Variants in EFCAB11 observed in about 807,000 individuals in gnomAD.
The protein encoded by EFCAB11 is EF-hand calcium-binding domain-containing protein 11.
A neutral mutation model predicts 23.0 loss-of-function variants in EFCAB11; 14 were observed. The observed-to-expected ratio is 0.61, with a 90% confidence interval of 0.40 to 0.95. The LOEUF is 0.95. EFCAB11 is among the 40% of genes least tolerant of loss of function. EFCAB11 has a pLI of 0.00. For missense variants in EFCAB11, 198 were observed against 195.8 expected, an observed-to-expected ratio of 1.01 and a Z score of -0.07; for synonymous variants, 65 against 66.6, an observed-to-expected ratio of 0.98 and a Z score of 0.11.
chr14:89,857,595 T>TA (rs1378946865), intron 5 of EFCAB11, among the ~76,000 whole-genome samples: 1 of 152,148 alleles, frequency 6.6e-6, no homozygotes, highest in Non-Finnish European at 1.5e-5. Context: ...AGCTCCTGAG[T>TA]AACTGTAAGA....
chr14:89,936,711 C>T (rs1890596465), intron 3 of EFCAB11, among the ~76,000 whole-genome samples: 1 of 152,168 alleles, frequency 6.6e-6, no homozygotes, highest in Non-Finnish European at 1.5e-5. Flanking sequence ...CAGCTCGGCT[C>T]TCATGTTGTA....
At chr14:89,927,777 AG>A (rs1486804955) in intron 5 of EFCAB11, among the ~76,000 whole-genome samples, 1 of 151,384 alleles carries the variant, frequency 6.6e-6, no homozygotes, top group African/African-American at 2.4e-5. Context: ...GCTGAAGTGC[AG>A]TGGCACGATC....
intron 5 of EFCAB11, among the ~76,000 whole-genome samples, chr14:89,863,434 C>T (rs1887990488): frequency 6.6e-6 from 1 of 152,240 alleles, no homozygotes; most frequent in Admixed American, 6.5e-5. Flanking sequence ...GATGTTCTCC[C>T]TTTCCTTGCC....
At chr14:89,893,326 C>G (rs1270050862) in intron 5 of EFCAB11, among the ~76,000 whole-genome samples, 2 of 152,276 alleles carry the variant, frequency 1.3e-5, no homozygotes, top group East Asian at 3.9e-4. Context: ...GGTTTGCCCC[C>G]ACCCTAGGCC....
At chr14:89,862,780 G>A (rs1004670023) in intron 5 of EFCAB11, among the ~76,000 whole-genome samples, 141 of 152,190 alleles carry the variant, frequency 9.3e-4, no homozygotes, top group African/African-American at 2.9e-3. Context: ...AATAACTGAT[G>A]TCTGAGAGCA....
At chr14:89,922,927 T>A (rs114983342) in intron 5 of EFCAB11, among the ~76,000 whole-genome samples, 2,619 of 152,268 alleles carry the variant, frequency 0.017, 76 homozygotes, top group African/African-American at 0.059. Flanking sequence ...AGAAATATCT[T>A]AACAGCTGGG....
chr14:89,869,678 C>T (rs1032706682), intron 5 of EFCAB11, among the ~76,000 whole-genome samples: 3 of 152,216 alleles, frequency 2.0e-5, no homozygotes, highest in African/African-American at 4.8e-5. Context: ...ATGGTGACAA[C>T]AGCTACCTTG....
intron 5 of EFCAB11, among the ~76,000 whole-genome samples, chr14:89,910,882 G>A (rs530508986): frequency 6.6e-6 from 1 of 152,308 alleles, no homozygotes; most frequent in East Asian, 1.9e-4. Flanking sequence ...TGAGCCTAAT[G>A]ATTGGAGGAC....
chr14:89,852,842 C>T (rs1473848282), intron 5 of EFCAB11, among the ~76,000 whole-genome samples: 1 of 152,104 alleles, frequency 6.6e-6, no homozygotes, highest in Non-Finnish European at 1.5e-5. Context: ...TCGTGCAACC[C>T]ACCCATCTCC....
chr14:89,852,503 G>A (rs991181218), intron 5 of EFCAB11, among the ~76,000 whole-genome samples: 1 of 152,210 alleles, frequency 6.6e-6, no homozygotes, highest in Non-Finnish European at 1.5e-5. Flanking sequence ...AGGAGGACAA[G>A]TTCCAATGGC....
chr14:89,802,229 G>C (rs1289217582), intron 5 of EFCAB11, among the ~76,000 whole-genome samples: 1 of 146,156 alleles, frequency 6.8e-6, no homozygotes, highest in Non-Finnish European at 1.5e-5. Flanking sequence ...AAAAAAGAAA[G>C]AAAAAGGAAA....
In EFCAB11 at chr14:89,831,169, A is replaced by G. The variant is rs1886871143; in HGVS notation, c.411-33845T>C. The G allele has an allele frequency of 2.0e-5, 3 of 152,346 alleles. No individual in the cohort carries two copies. In the South Asian group the frequency reaches 6.2e-4, roughly 32 times the overall value. 9.4% of individuals were successfully genotyped at this position (152,346 alleles called of 1,614,324 possible). The stretch of plus-strand genomic sequence containing the variant: ...GAGTCGAGATTTGTTGACAGCTTGG[A>G]TGTGGAGGGTAAGAAAAAGAAAGGA... On this transcript the variant is annotated intron_variant, in intron 5 of 5. Transcript: ENST00000316738.
At chr14:89,954,534 G>A (rs1891369057) in intron 1 of EFCAB11, 52 bp downstream of exon 1, 1 of 1,603,862 alleles carries the variant, frequency 6.2e-7, no homozygotes, top group African/African-American at 1.3e-5. Context: ...GAGGAAGCGA[G>A]AGGCCCAGGC....
chr14:89,804,741 T>A (rs1180443073), intron 5 of EFCAB11, among the ~76,000 whole-genome samples: 3 of 152,224 alleles, frequency 2.0e-5, no homozygotes, highest in African/African-American at 7.2e-5. Context: ...ATTCCTCTAC[T>A]TGCAAAATGC....
chr14:89,925,739 G>A (rs999481131), intron 5 of EFCAB11, among the ~76,000 whole-genome samples: 6 of 149,680 alleles, frequency 4.0e-5, no homozygotes, highest in African/African-American at 9.9e-5. Flanking sequence ...TCCGCCTCCC[G>A]GGTTCAAGCG....
At chr14:89,805,596 AGT>A (rs1486764991) in intron 5 of EFCAB11, among the ~76,000 whole-genome samples, 1 of 152,212 alleles carries the variant, frequency 6.6e-6, no homozygotes, top group African/African-American at 2.4e-5. Context: ...CAGGCTTTTA[AGT>A]GTTAATTACC....
chr14:89,803,998 T>G (rs1414717532), intron 5 of EFCAB11, among the ~76,000 whole-genome samples: 4 of 152,246 alleles, frequency 2.6e-5, no homozygotes, highest in Admixed American at 6.5e-5. Flanking sequence ...GGCTCCAACA[T>G]GACTTTGGCA....
chr14:89,847,755 A>AG (rs1887478639), intron 5 of EFCAB11, among the ~76,000 whole-genome samples: 1 of 144,972 alleles, frequency 6.9e-6, no homozygotes, highest in African/African-American at 2.5e-5. Context: ...AAAAAAAAAA[A>AG]AAAAGAAAGA....
At chr14:89,824,773 C>T (rs545867080) in intron 5 of EFCAB11, among the ~76,000 whole-genome samples, 48 of 152,156 alleles carry the variant, frequency 3.2e-4, no homozygotes, top group African/African-American at 1.1e-3. Context: ...AGAGACATTT[C>T]ATAATTATAG....
Sources: gnomAD v4.1 joint callset for allele counts (sites outside exome capture counted in the v4.1 genomes callset) on GRCh38, gnomAD v4.1.1 for gene constraint, MANE v1.5 for transcripts, NCBI Gene and HGNC (gene_info 2026-07-23, HGNC 2026-07-21) for gene names.